The following NAA15 variants were observed in gnomAD, a reference collection of about 807,000 sequenced individuals.
NAA15 encodes the protein N-terminal acetyltransferase.
Under a neutral mutation model 114.0 loss-of-function variants are expected in NAA15, and 34 were observed. That is an observed-to-expected ratio of 0.30 (90% confidence interval 0.23 to 0.40). The LOEUF is 0.40. Among genes scored for constraint, NAA15 ranks in the 10% least tolerant of loss-of-function variants. NAA15 has a pLI of 1.00. For synonymous variants in NAA15, 340 were observed against 338.0 expected (o/e 1.01, Z -0.06); for missense variants, 658 against 1,004.5 (o/e 0.66, Z 4.66).
At chr4:139,339,660 A>T (rs1303235078) in intron 3 of NAA15, among the ~76,000 whole-genome samples, 1 of 152,108 alleles carries the variant, frequency 6.6e-6, no homozygotes, top group Non-Finnish European at 1.5e-5. Flanking sequence ...CTGAGGCAGG[A>T]GAGTTGCTTG....
Position 139,389,655 on chromosome 4 carries a change from T to C in NAA15, c.*1571T>C, listed in dbSNP as rs1392642726. The stretch of plus-strand genomic sequence containing the variant: ...CTAGCCTCAGGCTTAATATTCTCAT[T>C]GCATTTGCAAGATCTGAGCAAATAA... On this transcript the variant is annotated 3_prime_UTR_variant, in exon 20 of 20. Transcript: ENST00000296543. 1 of 152,690 alleles carries C rather than the reference T, an allele frequency of 6.5e-6. No individual in the cohort carries two copies. Among genetic ancestry groups the C allele is most frequent in the African/African-American group, 2.4e-5 (1 of 41,474 alleles). The allele number at this position is 152,690 out of a possible 1,614,324, so 9.5% of individuals were successfully genotyped here.
chr4:139,389,932 C>T lies in NAA15; in HGVS notation c.*1848C>T, dbSNP rs966373806. On this transcript the variant is annotated 3_prime_UTR_variant, in exon 20 of 20. Coordinates refer to ENST00000296543, the MANE Select transcript of NAA15 (RefSeq NM_057175.5). ...TTATTAACTGGCCCTGTCTCAGGAA[C>T]ATCTTAACAGATGGCAAAAAAACAA... 3.9e-5 allele frequency: 6 copies of T among 152,566 alleles called. No homozygotes were observed. Among genetic ancestry groups the T allele is most frequent in the African/African-American group, 1.4e-4 (6 of 41,422 alleles). 9.5% of individuals were successfully genotyped at this position (152,566 alleles called of 1,614,324 possible). A position where few individuals can be genotyped will look rare whatever the true frequency, so the allele number is the denominator to read the frequency against.
intron 4 of NAA15, 47 bp downstream of exon 4, chr4:139,341,116 G>A: frequency 1.5e-6 from 2 of 1,293,586 alleles, no homozygotes; most frequent in South Asian, 2.2e-5. Flanking sequence ...GGGAAAATAT[G>A]TACAACTTTG....
intron 6 of NAA15, 105 bp downstream of exon 6, chr4:139,344,444 G>A (rs1332698444): frequency 9.2e-6 from 8 of 869,236 alleles, no homozygotes; most frequent in East Asian, 2.5e-5. Context: ...GCTTTTTGAT[G>A]ATAGGAAATC....
At position 139,315,051 on chromosome 4, in the gene NAA15, G is replaced by GTTAGGTTAGGTTAGT. The variant is rs1553992557; in HGVS notation, c.54+13224_54+13225insGTTAGGTTAGTTTAG. 2.5e-3 allele frequency among the ~76,000 whole-genome samples: 284 copies of GTTAGGTTAGGTTAGT among 112,430 alleles called. 4 individuals carry two copies. Among genetic ancestry groups the GTTAGGTTAGGTTAGT allele is most frequent in the South Asian group, 8.5e-3 (32 of 3,762 alleles). The allele number at this position is 112,430 out of a possible 152,430, so 73.8% of individuals were successfully genotyped here. On this transcript the variant is annotated intron_variant, in intron 1 of 19. Coordinates refer to ENST00000296543, the MANE Select transcript of NAA15 (RefSeq NM_057175.5). Reference sequence around the variant, plus strand: ...GTTAGGTTAGGTTAGGTTAGGTTAGGTTAGTTTAGTTTAGTTTAGTTTAGT... The same window carrying GTTAGGTTAGGTTAGT: ...GTTAGGTTAGGTTAGGTTAGGTTAGGTTAGGTTAGGTTAGTTTAGTTTAGTTTAGTTTAGTTTAGT...
In NAA15 at chr4:139,386,203, T is replaced by C; in HGVS notation, c.2373T>C (p.Asp791=). ...CTATAGAGTTGGCAACAACACTTGA[T>C]GAATCTCTCACTAACAGAAACCTCC... The part of the protein sequence containing the change: ...KRAIELATTL[D]ESLTNRNLQT... Residue 791 remains aspartate (D), a synonymous_variant, in exon 19 of 20, where the codon GAT becomes GAC. Coordinates refer to ENST00000296543, the MANE Select transcript of NAA15 (RefSeq NM_057175.5). 6.2e-7 allele frequency: 1 copy of C among 1,608,176 alleles called. No homozygotes were observed. Among genetic ancestry groups the C allele is most frequent in the Non-Finnish European group, 8.5e-7 (1 of 1,175,830 alleles).
chr4:139,337,699 AGTGCT>A (rs1747243753), intron 3 of NAA15, among the ~76,000 whole-genome samples: 3 of 152,254 alleles, frequency 2.0e-5, no homozygotes, highest in African/African-American at 7.2e-5. Context: ...CACAATTTTA[AGTGCT>A]GAAACAATTA....
chr4:139,348,645 A>G (rs1747680080), intron 6 of NAA15, among the ~76,000 whole-genome samples: 1 of 152,224 alleles, frequency 6.6e-6, no homozygotes, highest in Non-Finnish European at 1.5e-5. Flanking sequence ...TTTGAAGCTT[A>G]TATGGCTTTG....
At chr4:139,344,384 CAG>C (rs766026553) in intron 6 of NAA15, 45 bp downstream of exon 6, 1 of 1,493,458 alleles carries the variant, frequency 6.7e-7, no homozygotes, top group Non-Finnish European at 9.1e-7. Context: ...TGAAATATGA[CAG>C]AGCAAGGCTG....
rs764328356 is a variant in NAA15 at position 139,336,851 on chromosome 4, C to A, written c.143C>A (p.Thr48Asn). ...SNPKFAEHGETLAMKGLTLNC... is the reference protein window; with the variant it reads ...SNPKFAEHGENLAMKGLTLNC... ...TCTTCTTTGTTTTTGAAAATAGAAA[C>A]CTTGGCTATGAAAGGATTAACATTG... The change falls in exon 3 of 20, where the codon ACC becomes AAC. Residue 48 changes from threonine (T) to asparagine (N), a missense_variant. By Grantham distance (65) the Thr-to-Asn change is moderately conservative. Coordinates refer to ENST00000296543, the MANE Select transcript of NAA15 (RefSeq NM_057175.5). The A allele has an allele frequency of 6.6e-7, 1 of 1,505,078 alleles. No homozygotes were observed. Among genetic ancestry groups the A allele is most frequent in the Non-Finnish European group, 8.9e-7 (1 of 1,128,078 alleles). 93.2% of individuals were successfully genotyped at this position (1,505,078 alleles called of 1,614,324 possible).
At chr4:139,358,699 T>C (rs1748041572) in intron 11 of NAA15, among the ~76,000 whole-genome samples, 1 of 152,206 alleles carries the variant, frequency 6.6e-6, no homozygotes, top group Non-Finnish European at 1.5e-5. Flanking sequence ...ACTAGTTAGG[T>C]AACTTAGAAT....
Position 139,391,019 on chromosome 4 carries a change from T to TA in NAA15, c.*2936dup, listed in dbSNP as rs1749045532. 6.6e-6 allele frequency: 1 copy of TA among 152,256 alleles called. No homozygotes were observed. Among genetic ancestry groups the TA allele is most frequent in the African/African-American group, 2.4e-5 (1 of 41,464 alleles). The allele number at this position is 152,256 out of a possible 1,614,324, so 9.4% of individuals were successfully genotyped here. On this transcript the variant is annotated 3_prime_UTR_variant, in exon 20 of 20. Transcript: ENST00000296543. ...AGAATATTTCAGTTACCATGTATAGTATTTGGGAAAAGCTGTAATGTAAAA... is the reference window on the plus strand; with the variant it reads ...AGAATATTTCAGTTACCATGTATAGTAATTTGGGAAAAGCTGTAATGTAAAA...
At position 139,341,395 on chromosome 4, in the gene NAA15, A is replaced by T. The variant is rs571633481; in HGVS notation, c.402+326A>T. Among the ~76,000 whole-genome samples the T allele has an allele frequency of 6.8e-4, 103 of 151,808 alleles. 1 individual carries two copies. In the South Asian group the frequency reaches 0.01, roughly 15 times the overall value. On this transcript the variant is annotated intron_variant, in intron 4 of 19. Coordinates refer to ENST00000296543, the MANE Select transcript of NAA15 (RefSeq NM_057175.5). ...TGAATCATGAGGTCAGGAGATCGAG[A>T]CCATCCTGCCTAACACAGTGAAACC...
At chr4:139,320,734 T>A (rs1746570313) in intron 1 of NAA15, among the ~76,000 whole-genome samples, 1 of 152,194 alleles carries the variant, frequency 6.6e-6, no homozygotes, top group Non-Finnish European at 1.5e-5. Context: ...TTGGGCAGGC[T>A]GGTCTCGAAC....
At chr4:139,355,177 C>T (rs536777500) in intron 10 of NAA15, among the ~76,000 whole-genome samples, 1 of 152,234 alleles carries the variant, frequency 6.6e-6, no homozygotes, top group South Asian at 2.1e-4. Context: ...CCACGCCTGA[C>T]AAAAATTAAT....
At chr4:139,347,925 G>A (rs1381226296) in intron 6 of NAA15, among the ~76,000 whole-genome samples, 1 of 151,452 alleles carries the variant, frequency 6.6e-6, no homozygotes, top group African/African-American at 2.4e-5. Flanking sequence ...CCAGCTACTC[G>A]GGAGGCTGAG....
intron 1 of NAA15, among the ~76,000 whole-genome samples, chr4:139,305,637 A>C (rs1443832613): frequency 1.3e-5 from 2 of 151,066 alleles, no homozygotes; most frequent in African/African-American, 4.9e-5. Flanking sequence ...TCCCGGGTTC[A>C]AGCAGTTCTG....
intron 1 of NAA15, among the ~76,000 whole-genome samples, chr4:139,310,621 TTTA>T (rs1028652532): frequency 1.3e-5 from 2 of 151,728 alleles, no homozygotes; most frequent in African/African-American, 2.4e-5. Context: ...TAAATTTATT[TTTA>T]TTATTATTTT....
intron 3 of NAA15, 91 bp downstream of exon 3, chr4:139,337,043 G>T: frequency 1.5e-6 from 1 of 659,378 alleles, no homozygotes; most frequent in Non-Finnish European, 2.4e-6. Context: ...CTCTCTTATT[G>T]TGCTATTACA....
Sources: allele counts gnomAD v4.1 joint callset (sites outside exome capture counted in the v4.1 genomes callset), GRCh38; gene constraint gnomAD v4.1.1; transcripts MANE v1.5; gene names NCBI Gene and HGNC (gene_info 2026-07-23, HGNC 2026-07-21).